NCOA6: variants seen among roughly 807,000 people sequenced by gnomAD.
NCOA6 encodes the protein NRC RAP250.
In NCOA6, 49 loss-of-function variants were observed where a neutral mutation model predicts 171.4. The ratio of observed to expected loss-of-function variants is 0.29; its 90% CI spans 0.23 to 0.36. The LOEUF (loss-of-function observed/expected upper bound fraction) is 0.36, where lower values mean the gene tolerates loss of function less well. Among genes scored for constraint, NCOA6 ranks in the 10% least tolerant of loss-of-function variants. The pLI is 1.00. For missense variants in NCOA6, 2,248 were observed against 2,554.5 expected, an observed-to-expected ratio of 0.88 and a Z score of 2.59; for synonymous variants, 910 against 927.5, an observed-to-expected ratio of 0.98 and a Z score of 0.34.
intron 14 of NCOA6, among the ~76,000 whole-genome samples, chr20:34,716,215 C>CAAAAAA (rs34030662): frequency 1.4e-5 from 1 of 73,780 alleles, no homozygotes. Context: ...GACTCCGTCT[C>CAAAAAA]AAAAAAAAAA....
chr20:34,807,077 G>A (rs2078477585), intron 1 of NCOA6, among the ~76,000 whole-genome samples: 1 of 152,148 alleles, frequency 6.6e-6, no homozygotes, highest in Non-Finnish European at 1.5e-5. Flanking sequence ...AATGTGATAG[G>A]ATGCCACTCC....
chr20:34,806,050 C>T (rs1305996985), intron 1 of NCOA6, among the ~76,000 whole-genome samples: 2 of 152,186 alleles, frequency 1.3e-5, no homozygotes, highest in Admixed American at 6.5e-5. Context: ...AATTTACATT[C>T]CAATCAACAG....
chr20:34,807,406 C>A (rs2078490103), intron 1 of NCOA6, among the ~76,000 whole-genome samples: 1 of 152,218 alleles, frequency 6.6e-6, no homozygotes, highest in Admixed American at 6.5e-5. Flanking sequence ...CCCATGGAAA[C>A]CCATGCCATA....
At chr20:34,759,048 G>A (rs1048263457) in intron 5 of NCOA6, 115 bp from the exon 6 acceptor site, 46 of 1,125,258 alleles carry the variant, frequency 4.1e-5, no homozygotes, top group Non-Finnish European at 5.0e-5. Context: ...TTTTTGACAG[G>A]GTCTCGCTCT....
Position 34,742,595 on chromosome 20 carries a change from A to T in NCOA6, c.3661T>A (p.Tyr1221Asn). 1 of 1,614,128 alleles carries T rather than the reference A, an allele frequency of 6.2e-7. No homozygotes were observed. Among genetic ancestry groups the T allele is most frequent in the South Asian group, 1.1e-5 (1 of 91,072 alleles). ...GGGCGGTTGTTGGGTGTCTGAGGAT[A>T]ATAGGGTCTGGGGCTGGCTCTGTTT... ...TPNRASPRPY[Y>N]PQTPNNRPPS... is the part of the protein sequence containing the mutation. Residue 1221 changes from tyrosine (Y) to asparagine (N), a missense_variant, in exon 11 of 15, where the codon TAT becomes AAT. Tyr to Asn is a moderately radical substitution (Grantham distance 143, BLOSUM62 -2). This residue lies in a region of NCOA6 where 352 missense variants were observed against 419.1 expected (regional missense o/e 0.84). Transcript: ENST00000359003.
intron 2 of NCOA6, among the ~76,000 whole-genome samples, chr20:34,784,624 TAAA>T (rs200744021): frequency 2.0e-5 from 3 of 151,782 alleles, no homozygotes; most frequent in African/African-American, 7.3e-5. Flanking sequence ...CTACAAAAAA[TAAA>T]AAAATTAACT....
intron 5 of NCOA6, among the ~76,000 whole-genome samples, chr20:34,765,851 G>C (rs1033461943): frequency 1.3e-5 from 2 of 151,932 alleles, no homozygotes; most frequent in Non-Finnish European, 2.9e-5. Flanking sequence ...ATTCTATAAG[G>C]CTATGAAAAA....
At chr20:34,746,223 A>G (rs2076296926) in intron 10 of NCOA6, among the ~76,000 whole-genome samples, 1 of 151,988 alleles carries the variant, frequency 6.6e-6, no homozygotes, top group Non-Finnish European at 1.5e-5. Context: ...TGACATTGAC[A>G]AGAATAAAGA....
chr20:34,745,322 C>T (rs912845004), intron 10 of NCOA6, among the ~76,000 whole-genome samples: 10 of 152,260 alleles, frequency 6.6e-5, no homozygotes, highest in African/African-American at 2.4e-4. Context: ...TGCAGGCCCC[C>T]AGTTTGCAGA....
chr20:34,804,720 A>C (rs983730116), intron 1 of NCOA6, among the ~76,000 whole-genome samples: 1 of 152,088 alleles, frequency 6.6e-6, no homozygotes, highest in Admixed American at 6.6e-5. Flanking sequence ...TTAATCACAC[A>C]TAACTGTATA....
chr20:34,800,493 C>T (rs1020282576), intron 1 of NCOA6, among the ~76,000 whole-genome samples: 1 of 152,078 alleles, frequency 6.6e-6, no homozygotes, highest in East Asian at 1.9e-4. Flanking sequence ...AAGAAACACA[C>T]TTCACCTACA....
At chr20:34,738,891 T>C in intron 11 of NCOA6, 1 of 456,096 alleles carries the variant, frequency 2.2e-6, no homozygotes, top group Non-Finnish European at 4.4e-6. Context: ...CCTCTCCTCC[T>C]GGGTGCTTAC....
rs1247444545 is a variant in NCOA6, at chr20:34,749,723, T to C, written c.2472A>G (p.Gln824=). 9 of 1,614,230 alleles carry C rather than the reference T, an allele frequency of 5.6e-6. No individual in the cohort carries two copies. The highest frequency in any genetic ancestry group is 4.5e-5 in the East Asian group (2 of 44,880). The part of the protein sequence containing the change: ...LSQMMPDVSI[Q]QTNMVPPHVQ... ...CATGAGGGGGGACCATGTTGGTTTG[T>C]TGAATGCTAACATCAGGCATCATCT... The change falls in exon 9 of 15, where the codon CAA becomes CAG. Residue 824 remains glutamine (Q), a synonymous_variant. Coordinates refer to ENST00000359003, the MANE Select transcript of NCOA6 (RefSeq NM_014071.5).
Position 34,768,553 on chromosome 20 carries a change from T to C in NCOA6, c.425A>G (p.Asn142Ser), listed in dbSNP as rs1455275691. The change falls in exon 5 of 15, where the codon AAC becomes AGC. Residue 142 changes from asparagine (N) to serine (S), a missense_variant. Asn to Ser is a conservative substitution (Grantham distance 46, BLOSUM62 1). This residue lies in a region of NCOA6 where 987 missense variants were observed against 1,104.7 expected (regional missense o/e 0.89). Transcript: ENST00000359003. ...EGAINLALAQ[N>S]RSQDVRMNGP... ...ATTCATTCTCACATCTTGGCTTCGGTTCTGAGCCAAAGCCAGGTTAATAGC... is the reference window on the plus strand; with the variant it reads ...ATTCATTCTCACATCTTGGCTTCGGCTCTGAGCCAAAGCCAGGTTAATAGC... The C allele has an allele frequency of 6.2e-7, 1 of 1,614,154 alleles. No individual in the cohort carries two copies. Among genetic ancestry groups the C allele is most frequent in the Non-Finnish European group, 8.5e-7 (1 of 1,180,006 alleles).
chr20:34,778,134 A>G (rs1376009480), intron 3 of NCOA6, among the ~76,000 whole-genome samples: 1 of 152,108 alleles, frequency 6.6e-6, no homozygotes, highest in Non-Finnish European at 1.5e-5. Context: ...TGATCTCCTG[A>G]CCTCATGATC....
In NCOA6 at chr20:34,740,419, G is replaced by A. The variant is rs1419070038; in HGVS notation, c.5837C>T (p.Ala1946Val). The change falls in exon 11 of 15, where the codon GCG becomes GTG. Residue 1946 changes from alanine (A) to valine (V), a missense_variant. This residue lies in a region of NCOA6 where 884 missense variants were observed against 941.9 expected (regional missense o/e 0.94). Transcript: ENST00000359003. ...CACCTTCTCCTCCACTAGGCCACCC[G>A]CAAGTGACTCAGATGCTATGCCACC... Reference protein sequence around the residue: ...NHGGIASESLAGGLVEEKVGS... With the variant: ...NHGGIASESLVGGLVEEKVGS... The A allele has an allele frequency of 1.2e-5, 20 of 1,613,990 alleles. No homozygotes were observed. The highest frequency in any genetic ancestry group is 5.3e-5 in the African/African-American group (4 of 74,894).
rs35848122 is a variant in NCOA6 at position 34,751,376 on chromosome 20, C to CAAAAAAAAAAAAAAAA, written c.1676-873_1676-858dup. On this transcript the variant is annotated intron_variant, in intron 8 of 14. Coordinates refer to ENST00000359003, the MANE Select transcript of NCOA6 (RefSeq NM_014071.5). ...TGGGCGACAGAGCAAGACTCCGTCT[C>CAAAAAAAAAAAAAAAA]AAAAAAAAAAAAAAAAAAAAGAATG... Among the ~76,000 whole-genome samples the CAAAAAAAAAAAAAAAA allele has an allele frequency of 2.0e-3, 138 of 68,208 alleles. 1 individual carries two copies. The highest frequency in any genetic ancestry group is 6.0e-3 in the African/African-American group (101 of 16,718). 44.7% of individuals were successfully genotyped at this position (68,208 alleles called of 152,430 possible). A position where few individuals can be genotyped will look rare whatever the true frequency, so the allele number is the denominator to read the frequency against.
chr20:34,817,081 C>G (rs1292420948), intron 1 of NCOA6, among the ~76,000 whole-genome samples: 1 of 148,438 alleles, frequency 6.7e-6, no homozygotes, highest in Non-Finnish European at 1.5e-5. Flanking sequence ...CAAGATCTCA[C>G]CACTGCACTC....
chr20:34,722,458 T>TTG (rs1454878243), intron 14 of NCOA6, among the ~76,000 whole-genome samples: 19 of 151,464 alleles, frequency 1.3e-4, no homozygotes, highest in African/African-American at 4.4e-4. Context: ...TGTGGGAGGA[T>TTG]CACTTGAGGC....
Sources: allele counts gnomAD v4.1 joint callset (sites outside exome capture counted in the v4.1 genomes callset), GRCh38; gene constraint gnomAD v4.1.1; regional missense constraint gnomAD v4.1.1; transcripts MANE v1.5; gene names NCBI Gene and HGNC (gene_info 2026-07-23, HGNC 2026-07-21).